The following FGFR2 variants were observed in gnomAD, a reference collection of about 807,000 sequenced individuals.
FGFR2 encodes the protein fibroblast growth factor receptor 2.
Under a neutral mutation model 95.9 loss-of-function variants are expected in FGFR2, and 19 were observed. The observed-to-expected ratio is 0.20, with a 90% CI of 0.14 to 0.29. The LOEUF (loss-of-function observed/expected upper bound fraction) is 0.29, where lower values mean the gene tolerates loss of function less well. Ranked by LOEUF, FGFR2 falls within the 10% of genes least tolerant of loss-of-function variation. The pLI, the probability that FGFR2 is intolerant of heterozygous loss-of-function variation, is 1.00. For synonymous variants in FGFR2, 392 were observed against 393.3 expected (o/e 1.00, Z 0.04); for missense variants, 707 against 1,056.9 (o/e 0.67, Z 4.59).
chr10:121,558,343 T>C (rs1856474140), intron 4 of FGFR2, among the ~76,000 whole-genome samples: 1 of 152,264 alleles, frequency 6.6e-6, no homozygotes, highest in African/African-American at 2.4e-5. Context: ...ACTTTCTTTC[T>C]GGAGAAAATG....
At chr10:121,572,471 T>C (rs1046213509) in intron 2 of FGFR2, among the ~76,000 whole-genome samples, 1 of 152,024 alleles carries the variant, frequency 6.6e-6, no homozygotes, top group African/African-American at 2.4e-5. Context: ...TATAAAAAAT[T>C]AGCTGGGCGT....
chr10:121,520,286 T>G, intron 6 of FGFR2, 117 bp from the exon 7 acceptor site: 1 of 1,033,434 alleles, frequency 9.7e-7, no homozygotes, highest in South Asian at 1.7e-5. Context: ...TCAAGCCTGC[T>G]GGCTGACACC....
chr10:121,500,869 G>C lies in FGFR2; in HGVS notation c.1518C>G (p.Asp506Glu), dbSNP rs984960136. 6.2e-7 allele frequency: 1 copy of C among 1,614,188 alleles called. No individual in the cohort carries two copies. The highest frequency in any genetic ancestry group is 8.5e-7 in the Non-Finnish European group (1 of 1,180,036). Residue 506 changes from aspartate (D) to glutamate (E), a missense_variant, in exon 11 of 18, where the codon GAC (aspartate) becomes GAG (glutamate). Around this residue, in one of 7 missense-constraint regions of FGFR2, gnomAD observed 194 missense variants for 267.3 expected, o/e 0.73. Transcript: ENST00000358487. Reference sequence around the variant, plus strand: ...CCACGGTGACCGCCTCCTTGGGCTTGTCTTTGTCAATTCCCACTGCTTCCG... The same window carrying C: ...CCACGGTGACCGCCTCCTTGGGCTTCTCTTTGTCAATTCCCACTGCTTCCG... ...VMAEAVGIDK[D>E]KPKEAVTVAV...
intron 17 of FGFR2, chr10:121,482,017 T>C (rs538690729): frequency 7.0e-6 from 4 of 573,260 alleles, no homozygotes; most frequent in African/African-American, 5.6e-5. Flanking sequence ...TTTTGTATCT[T>C]TAGTAGAGAC....
intron 4 of FGFR2, among the ~76,000 whole-genome samples, chr10:121,559,585 C>A (rs1253155715): frequency 2.0e-5 from 3 of 152,222 alleles, no homozygotes; most frequent in African/African-American, 7.2e-5. Context: ...TTCACAGACA[C>A]CAAACAGAGG....
intron 11 of FGFR2, 90 bp from the exon 12 acceptor site, chr10:121,498,695 C>G (rs1376536840): frequency 5.6e-6 from 6 of 1,074,378 alleles, no homozygotes; most frequent in Non-Finnish European, 8.7e-6. Context: ...GTTGAAACAG[C>G]ATGAAATTGA....
At chr10:121,509,316 C>A (rs1848710993) in intron 9 of FGFR2, among the ~76,000 whole-genome samples, 1 of 151,848 alleles carries the variant, frequency 6.6e-6, no homozygotes, top group Non-Finnish European at 1.5e-5. Flanking sequence ...AATTCCATTT[C>A]CTCACTTTCC....
chr10:121,501,098 G>T, intron 10 of FGFR2, 151 bp from the exon 11 acceptor site: 2 of 1,052,272 alleles, frequency 1.9e-6, no homozygotes, highest in East Asian at 2.6e-5. Context: ...GTACACACGC[G>T]CCTGAGTATT....
At chr10:121,486,912 AG>A (rs1845487734) in intron 15 of FGFR2, among the ~76,000 whole-genome samples, 2 of 152,220 alleles carry the variant, frequency 1.3e-5, no homozygotes, top group Admixed American at 1.3e-4. Flanking sequence ...GACCCTGTGG[AG>A]GTCCCCAGCC....
At chr10:121,502,776 G>A (rs1847765108) in intron 10 of FGFR2, among the ~76,000 whole-genome samples, 1 of 152,086 alleles carries the variant, frequency 6.6e-6, no homozygotes. Flanking sequence ...CCACCTTCCC[G>A]TACTCTCAAG....
intron 2 of FGFR2, among the ~76,000 whole-genome samples, chr10:121,577,176 TATAG>T (rs1314840013): frequency 1.1e-3 from 8 of 7,490 alleles, no homozygotes; most frequent in African/African-American, 4.2e-3. Flanking sequence ...TATATATATA[TATAG>T]AGAGAGAGAG....
intron 9 of FGFR2, among the ~76,000 whole-genome samples, chr10:121,508,818 G>A (rs373484828): frequency 4.9e-4 from 75 of 152,342 alleles, no homozygotes; most frequent in Non-Finnish European, 7.8e-4. Flanking sequence ...TGATTGCTCT[G>A]TCTACTGAGG....
Position 121,554,499 on chromosome 10 carries a change from C to T in FGFR2, c.455-3040G>A, listed in dbSNP as rs546592772. On this transcript the variant is annotated intron_variant, in intron 4 of 17. Coordinates refer to ENST00000358487, the MANE Select transcript of FGFR2 (RefSeq NM_000141.5). ...GACTACAGGTGCCCGCCACCATGCC[C>T]GGCTAATTTTTTTTTTTTTTTTTTT... 5.4e-3 allele frequency among the ~76,000 whole-genome samples: 714 copies of T among 131,526 alleles called. 3 individuals are homozygous for T. The highest frequency in any genetic ancestry group is 0.015 in the African/African-American group (480 of 31,842). The allele number at this position is 131,526 out of a possible 152,430, so 86.3% of individuals were successfully genotyped here.
intron 12 of FGFR2, among the ~76,000 whole-genome samples, chr10:121,497,331 G>C (rs1200912950): frequency 6.6e-6 from 1 of 151,924 alleles, no homozygotes; most frequent in Non-Finnish European, 1.5e-5. Flanking sequence ...GAAAGCAATG[G>C]ATCCCTCCAC....
chr10:121,597,508 C>T (rs1863621390), intron 1 of FGFR2, among the ~76,000 whole-genome samples: 1 of 152,210 alleles, frequency 6.6e-6, no homozygotes, highest in Non-Finnish European at 1.5e-5. Flanking sequence ...CGGCCCCCTC[C>T]CGAAAAAGGG....
chr10:121,534,287 C>T (rs907481301), intron 6 of FGFR2, among the ~76,000 whole-genome samples: 3 of 151,752 alleles, frequency 2.0e-5, no homozygotes, highest in African/African-American at 4.8e-5. Flanking sequence ...TTGGTAGAGA[C>T]GGGGTTTCAC....
chr10:121,520,183 G>C lies in FGFR2; in HGVS notation c.749-14C>G, dbSNP rs2134320852. On this transcript the variant is annotated splice_polypyrimidine_tract_variant and intron_variant, in intron 6 of 17. Coordinates refer to ENST00000358487, the MANE Select transcript of FGFR2 (RefSeq NM_000141.5). Reference sequence around the variant, plus strand: ...GAGGCGATCGCTCTGGTGGAGAGAGGGAAGAAAGGAGGAGTGGGGATGGGA... The same window carrying C: ...GAGGCGATCGCTCTGGTGGAGAGAGCGAAGAAAGGAGGAGTGGGGATGGGA... The C allele has an allele frequency of 6.2e-7, 1 of 1,609,604 alleles. No individual in the cohort carries two copies. The highest frequency in any genetic ancestry group is 8.5e-7 in the Non-Finnish European group (1 of 1,177,656).
rs1212347974 is a variant in FGFR2 at position 121,598,439 on chromosome 10, G to A, written c.-628C>T. The stretch of plus-strand genomic sequence containing the variant: ...GCCCGCCCGCTCGGCTCTCCACCGC[G>A]CTCTCCTCCAGCCGCCGCCCGCGCC... On this transcript the variant is annotated 5_prime_UTR_variant, in exon 1 of 18. Transcript: ENST00000358487. 6.3e-6 allele frequency: 1 copy of A among 158,862 alleles called. No individual in the cohort carries two copies. Among genetic ancestry groups the A allele is most frequent in the Non-Finnish European group, 1.4e-5 (1 of 73,486 alleles). The allele number at this position is 158,862 out of a possible 1,614,324, so 9.8% of individuals were successfully genotyped here.
intron 9 of FGFR2, 26 bp downstream of exon 9, chr10:121,515,091 T>C (rs2134218476): frequency 1.2e-6 from 2 of 1,610,570 alleles, no homozygotes; most frequent in Non-Finnish European, 1.7e-6. Flanking sequence ...GAGGAGTAAA[T>C]TTCTTTAAAC....
Sources: gnomAD v4.1 joint callset for allele counts (sites outside exome capture counted in the v4.1 genomes callset) on GRCh38, gnomAD v4.1.1 for gene constraint, gnomAD v4.1.1 regional missense constraint, MANE v1.5 for transcripts, NCBI Gene and HGNC (gene_info 2026-07-23, HGNC 2026-07-21) for gene names.